The following FANCI variants were observed in gnomAD, a reference collection of about 807,000 sequenced individuals.
The protein encoded by FANCI is FA complementation group I.
A neutral mutation model predicts 176.1 loss-of-function variants in FANCI; 156 were observed. That is an observed-to-expected ratio of 0.89 (90% CI 0.78 to 1.01). The LOEUF (loss-of-function observed/expected upper bound fraction) is 1.01, where lower values mean the gene tolerates loss of function less well. Ranked by LOEUF, FANCI falls within the 50% of genes least tolerant of loss-of-function variation. FANCI has a pLI of 0.00. For synonymous variants in FANCI, 613 were observed against 541.7 expected, an observed-to-expected ratio of 1.13 and a Z score of -1.83; for missense variants, 1,678 against 1,534.1, an observed-to-expected ratio of 1.09 and a Z score of -1.57.
intron 6 of FANCI, among the ~76,000 whole-genome samples, chr15:89,262,558 C>T (rs948868668): frequency 4.6e-5 from 7 of 151,960 alleles, no homozygotes; most frequent in East Asian, 1.9e-4. Context: ...ACTGTGATTG[C>T]GTGTAGGTTT....
rs543431700 is a variant in FANCI at position 89,286,977 on chromosome 15, C to CT, written c.1821+1780dup. On this transcript the variant is annotated intron_variant, in intron 18 of 37. Coordinates refer to ENST00000310775, the MANE Select transcript of FANCI (RefSeq NM_001113378.2). The stretch of plus-strand genomic sequence containing the variant: ...TCAGCATTTGCTGCTTCACCTTGCA[C>CT]TTTTTTTTTTTTTTTTTTTTTGAGT... Among the ~76,000 whole-genome samples, 150 of 86,022 alleles carry CT rather than the reference C, an allele frequency of 1.7e-3. 9 individuals are homozygous for CT. The highest frequency in any genetic ancestry group is 4.9e-3 in the African/African-American group (103 of 21,180). 56.4% of individuals were successfully genotyped at this position (86,022 alleles called of 152,430 possible). A position where few individuals can be genotyped will look rare whatever the true frequency, so the allele number is the denominator to read the frequency against.
chr15:89,245,727 T>G (rs2051935544), intron 1 of FANCI: 1 of 152,198 alleles, frequency 6.6e-6, no homozygotes. Flanking sequence ...GGGTCAGAAC[T>G]TGCAGGACTT....
In FANCI at chr15:89,305,420, T is replaced by G. The variant is rs1476092528; in HGVS notation, c.3255+11T>G. On this transcript the variant is annotated intron_variant, in intron 30 of 37. Transcript: ENST00000310775. ...GCCCCCACTGTCTGTGTAAGTGTTG[T>G]ACCTGAGCCATGGGGAATAGCTTTG... 1.9e-6 allele frequency: 3 copies of G among 1,613,212 alleles called. No individual in the cohort carries two copies. Among genetic ancestry groups the G allele is most frequent in the Non-Finnish European group, 2.5e-6 (3 of 1,179,948 alleles).
Position 89,258,754 on chromosome 15 carries a change from A to C in FANCI, c.135A>C (p.Ala45=). 1.2e-6 allele frequency: 2 copies of C among 1,612,588 alleles called. No individual in the cohort carries two copies. Among genetic ancestry groups the C allele is most frequent in the Non-Finnish European group, 1.7e-6 (2 of 1,178,772 alleles). Residue 45 remains alanine, a synonymous_variant, in exon 3 of 38, where the codon GCA becomes GCC. Coordinates refer to ENST00000310775, the MANE Select transcript of FANCI (RefSeq NM_001113378.2). The part of the protein sequence containing the change: ...NQAVKGKVAG[A]LLRAIFKGSP... ...CAGTGAAAGGAAAAGTTGCTGGAGC[A>C]CTCCTGAGAGCCATCTTCAAAGGTA...
At chr15:89,298,021 A>G (rs1448915626) in intron 24 of FANCI, among the ~76,000 whole-genome samples, 1 of 152,190 alleles carries the variant, frequency 6.6e-6, no homozygotes, top group Non-Finnish European at 1.5e-5. Context: ...GAACTGAAGG[A>G]AAAATAGACA....
At chr15:89,248,231 G>A (rs2052077074) in intron 2 of FANCI, among the ~76,000 whole-genome samples, 2 of 152,260 alleles carry the variant, frequency 1.3e-5, no homozygotes, top group South Asian at 4.1e-4. Flanking sequence ...TTATATGTTA[G>A]GCTGTTTCTT....
At chr15:89,290,075 C>G (rs1251202905) in intron 18 of FANCI, 138 bp from the exon 19 acceptor site, 3 of 721,628 alleles carry the variant, frequency 4.2e-6, no homozygotes, top group Non-Finnish European at 7.5e-6. Context: ...TATATTAGGG[C>G]ATTTAGGACT....
At chr15:89,309,939 T>G (rs1412674676) in intron 34 of FANCI, among the ~76,000 whole-genome samples, 1 of 152,242 alleles carries the variant, frequency 6.6e-6, no homozygotes, top group East Asian at 1.9e-4. Context: ...CAGGTAATGC[T>G]TAGAGAACCT....
chr15:89,264,022 C>T lies in FANCI; in HGVS notation c.665C>T (p.Ser222Phe), dbSNP rs1435589915. Residue 222 changes from serine to phenylalanine, a missense_variant, in exon 8 of 38, where the codon TCC becomes TTC. By Grantham distance (155) the Ser-to-Phe change is radical (BLOSUM62 -2). Around this residue, in one of 3 missense-constraint regions of FANCI, gnomAD observed 469 missense variants for 436.9 expected, o/e 1.07. Transcript: ENST00000310775. Reference sequence around the variant, plus strand: ...GTCTATCAGCTTCTGGTTCTCTCCTCCAAGGTACAAATGGAAAATTGTTTC... The same window carrying T: ...GTCTATCAGCTTCTGGTTCTCTCCTTCAAGGTACAAATGGAAAATTGTTTC... ...PLVYQLLVLSSKGSRKSVLEG... is the reference protein window; with the variant it reads ...PLVYQLLVLSFKGSRKSVLEG... 4.3e-6 allele frequency: 7 copies of T among 1,613,922 alleles called. No individual in the cohort carries two copies. Among genetic ancestry groups the T allele is most frequent in the African/African-American group, 2.7e-5 (2 of 74,942 alleles).
At chr15:89,313,054 AC>A in intron 35 of FANCI, 82 bp downstream of exon 35, 2 of 1,292,402 alleles carry the variant, frequency 1.5e-6, no homozygotes, top group Non-Finnish European at 2.3e-6. Context: ...TGACAAAAAG[AC>A]CACGTGTTGT....
chr15:89,267,273 T>C (rs1190256368), intron 9 of FANCI, among the ~76,000 whole-genome samples: 8 of 150,710 alleles, frequency 5.3e-5, no homozygotes, highest in South Asian at 2.1e-4. Context: ...TGAGCTGAGA[T>C]TGCACCTTTG....
intron 4 of FANCI, 83 bp downstream of exon 4, chr15:89,260,926 C>G: frequency 6.6e-7 from 1 of 1,522,892 alleles, no homozygotes; most frequent in Non-Finnish European, 9.1e-7. Flanking sequence ...ACTTAAGTGC[C>G]CAACCTAGCA....
intron 19 of FANCI, among the ~76,000 whole-genome samples, 180 bp from the exon 20 acceptor site, chr15:89,291,433 A>G (rs915920176): frequency 6.6e-5 from 10 of 152,206 alleles, no homozygotes; most frequent in African/African-American, 1.2e-4. Context: ...ACAATATCCA[A>G]AGCAAGAGCA....
chr15:89,252,578 A>G (rs573464470), intron 2 of FANCI, among the ~76,000 whole-genome samples: 1 of 152,146 alleles, frequency 6.6e-6, no homozygotes, highest in East Asian at 1.9e-4. Context: ...CAACTCTACT[A>G]AAAATAGAAA....
At chr15:89,284,976 C>T in intron 17 of FANCI, 120 bp from the exon 18 acceptor site, 2 of 1,089,812 alleles carry the variant, frequency 1.8e-6, no homozygotes, top group Non-Finnish European at 2.8e-6. Context: ...TGTGTCTCAC[C>T]CCTGGGGTTT....
intron 22 of FANCI, among the ~76,000 whole-genome samples, chr15:89,293,475 T>G (rs903873489): frequency 6.6e-6 from 1 of 152,110 alleles, no homozygotes; most frequent in Admixed American, 6.5e-5. Flanking sequence ...TCACTTGAGG[T>G]CAGGAGTTCA....
chr15:89,246,385 C>G (rs2051972720), intron 1 of FANCI, among the ~76,000 whole-genome samples: 1 of 152,240 alleles, frequency 6.6e-6, no homozygotes, highest in African/African-American at 2.4e-5. Flanking sequence ...TCCTCAAACA[C>G]TTGCAATCTT....
chr15:89,304,019 G>C (rs2054620549), intron 28 of FANCI, 104 bp downstream of exon 28: 1 of 1,109,720 alleles, frequency 9.0e-7, no homozygotes. Context: ...ACATTCACCA[G>C]AGTGGCCAAA....
At chr15:89,314,813 T>C (rs1373127230) in intron 36 of FANCI, 106 bp downstream of exon 36, 4 of 765,964 alleles carry the variant, frequency 5.2e-6, no homozygotes, top group Middle Eastern at 2.6e-4. Flanking sequence ...TCTGGGCCAT[T>C]TGTGTGTTTG....
Sources: gnomAD v4.1 joint callset for allele counts (sites outside exome capture counted in the v4.1 genomes callset) on GRCh38, gnomAD v4.1.1 for gene constraint, gnomAD v4.1.1 regional missense constraint, MANE v1.5 for transcripts, NCBI Gene and HGNC (gene_info 2026-07-23, HGNC 2026-07-21) for gene names.